The following WASHC5 variants were observed in gnomAD, a reference collection of about 807,000 sequenced individuals.
The protein encoded by WASHC5 is WASH complex subunit 5.
WASHC5 carries 101 observed loss-of-function variants against 150.4 expected under a neutral mutation model. The ratio of observed to expected loss-of-function variants is 0.67; its 90% CI spans 0.57 to 0.79. The LOEUF is 0.79. Ranked by LOEUF, WASHC5 falls within the 30% of genes least tolerant of loss-of-function variation. The probability of loss-of-function intolerance (pLI) is 0.00; values close to 1 mark genes in which losing one functional copy is unlikely to be tolerated. For missense variants in WASHC5, 1,195 were observed against 1,396.3 expected (o/e 0.86, Z 2.30); for synonymous variants, 467 against 491.2 (o/e 0.95, Z 0.65).
At chr8:125,063,106 G>C (rs1816649781) in intron 11 of WASHC5, among the ~76,000 whole-genome samples, 1 of 151,862 alleles carries the variant, frequency 6.6e-6, no homozygotes, top group Admixed American at 6.6e-5. Context: ...TGACATTCTT[G>C]GGTGACGTAT....
intron 5 of WASHC5, 42 bp downstream of exon 5, chr8:125,081,619 C>G: frequency 9.0e-7 from 1 of 1,106,588 alleles, no homozygotes; most frequent in South Asian, 1.2e-5. Context: ...TGCATTTTAC[C>G]GACAGCAGCG....
At chr8:125,031,158 C>T (rs991302206) in intron 27 of WASHC5, among the ~76,000 whole-genome samples, 28 of 152,288 alleles carry the variant, frequency 1.8e-4, no homozygotes, top group African/African-American at 6.5e-4. Flanking sequence ...GACTACCTGT[C>T]AAGGATGTCC....
chr8:125,080,936 C>T (rs1248804747), intron 5 of WASHC5, among the ~76,000 whole-genome samples: 1 of 152,176 alleles, frequency 6.6e-6, no homozygotes, highest in East Asian at 1.9e-4. Context: ...ACAGAAAGCA[C>T]ACTTATTTCC....
At chr8:125,065,774 A>G (rs148661530) in intron 10 of WASHC5, among the ~76,000 whole-genome samples, 3,995 of 151,854 alleles carry the variant, frequency 0.026, 180 homozygotes, top group African/African-American at 0.092. Flanking sequence ...GCGCCACTGC[A>G]CCCAGCTAAT....
chr8:125,046,890 TACTTTGGGAGAATCTAGC>T (rs1488270934), intron 20 of WASHC5, among the ~76,000 whole-genome samples: 1 of 152,100 alleles, frequency 6.6e-6, no homozygotes, highest in Non-Finnish European at 1.5e-5. Flanking sequence ...GAGAATCTAG[TACTTTGGGAGAATCTAGC>T]ACGCTCCTAT....
chr8:125,056,355 T>C (rs562572805), intron 16 of WASHC5, among the ~76,000 whole-genome samples: 8 of 152,196 alleles, frequency 5.3e-5, no homozygotes, highest in Middle Eastern at 3.4e-3. Context: ...AAAAGGAACA[T>C]GAATATGAAA....
chr8:125,056,003 G>T (rs1816393051), intron 16 of WASHC5, among the ~76,000 whole-genome samples: 1 of 152,182 alleles, frequency 6.6e-6, no homozygotes, highest in East Asian at 1.9e-4. Flanking sequence ...CCCTTCCCTG[G>T]CCTCCCCATT....
intron 10 of WASHC5, among the ~76,000 whole-genome samples, chr8:125,065,121 G>C (rs1332289977): frequency 6.6e-6 from 1 of 152,106 alleles, no homozygotes; most frequent in Non-Finnish European, 1.5e-5. Context: ...TTTGGGATAG[G>C]GGATGGTCCC....
chr8:125,047,389 C>G lies in WASHC5; in HGVS notation c.2380-58G>C, dbSNP rs879409281. 23 of 1,518,756 alleles carry G rather than the reference C, an allele frequency of 1.5e-5. No homozygotes were observed. In the Admixed American group the frequency reaches 3.2e-4, roughly 21 times the overall value. 94.1% of individuals were successfully genotyped at this position (1,518,756 alleles called of 1,614,324 possible). On this transcript the variant is annotated intron_variant, in intron 19 of 28. Transcript: ENST00000318410. Reference sequence around the variant, plus strand: ...CTTTGATAAGATAACCTAGTTATCCCTTTTCCATATAATTTTACAAAGATA... The same window carrying G: ...CTTTGATAAGATAACCTAGTTATCCGTTTTCCATATAATTTTACAAAGATA...
chr8:125,054,743 CG>C (rs1383940150), intron 17 of WASHC5, among the ~76,000 whole-genome samples: 3 of 151,590 alleles, frequency 2.0e-5, no homozygotes, highest in East Asian at 3.9e-4. Context: ...GGTGTGAACC[CG>C]GGAGGTGGAG....
Position 125,063,523 on chromosome 8 carries a change from A to C in WASHC5, c.1407T>G (p.Asn469Lys). The C allele has an allele frequency of 6.2e-7, 1 of 1,613,648 alleles. No homozygotes were observed. Residue 469 changes from asparagine (N) to lysine (K), a missense_variant and splice_region_variant, in exon 11 of 29, where the codon AAT (asparagine) becomes AAG (lysine). Asn to Lys is a moderately conservative substitution (Grantham distance 94). Coordinates refer to ENST00000318410, the MANE Select transcript of WASHC5 (RefSeq NM_014846.4). ...CAGTATTTCCTCTTCAGTAATTACCATTTTTCTCCACTCTGGTTAGGGGTT... is the reference window on the plus strand; with the variant it reads ...CAGTATTTCCTCTTCAGTAATTACCCTTTTTCTCCACTCTGGTTAGGGGTT... ...GVKPLTRVEK[N>K]ENLQAWFREI...
chr8:125,056,927 A>G, intron 15 of WASHC5, 110 bp from the exon 16 acceptor site: 1 of 1,295,588 alleles, frequency 7.7e-7, no homozygotes, highest in Non-Finnish European at 1.1e-6. Context: ...TGAAAAATGT[A>G]AAAGAGCTGT....
chr8:125,062,460 A>G (rs1183726072), intron 11 of WASHC5, among the ~76,000 whole-genome samples: 1 of 152,206 alleles, frequency 6.6e-6, no homozygotes, highest in African/African-American at 2.4e-5. Context: ...TAGGCAGCTA[A>G]CCGGGTCAGA....
chr8:125,029,125 G>A (rs759036227), intron 27 of WASHC5, among the ~76,000 whole-genome samples: 10 of 151,120 alleles, frequency 6.6e-5, no homozygotes, highest in South Asian at 2.1e-4. Context: ...TCCGCCTCCC[G>A]GGTTCAAGTG....
At position 125,049,044 on chromosome 8, in the gene WASHC5, T is replaced by A. The variant is rs1299325440; in HGVS notation, c.2341A>T (p.Asn781Tyr). The A allele has an allele frequency of 6.2e-7, 1 of 1,613,788 alleles. No individual in the cohort carries two copies. Among genetic ancestry groups the A allele is most frequent in the East Asian group, 2.2e-5 (1 of 44,862 alleles). Residue 781 changes from asparagine (N) to tyrosine (Y), a missense_variant, in exon 19 of 29, where the codon AAC (asparagine) becomes TAC (tyrosine). By Grantham distance (143) the Asn-to-Tyr change is moderately radical (BLOSUM62 -2). Around this residue, in one of 3 missense-constraint regions of WASHC5, gnomAD observed 997 missense variants for 1,168.1 expected, o/e 0.85. Coordinates refer to ENST00000318410, the MANE Select transcript of WASHC5 (RefSeq NM_014846.4). ...QEEVSRIINY[N>Y]VEQECNNFLR... ...AAGTTATTACACTCTTGCTCCACGT[T>A]GTAATTTATGATACGAGATACTTCT...
At chr8:125,041,304 A>G (rs567121742) in intron 23 of WASHC5, among the ~76,000 whole-genome samples, 37 of 152,326 alleles carry the variant, frequency 2.4e-4, no homozygotes, top group African/African-American at 8.2e-4. Context: ...GCAAGCAGCA[A>G]TAAGGTGGAA....
In WASHC5 at chr8:125,056,696, TGAGCATA is replaced by T; in HGVS notation, c.1990_1996del (p.Tyr664SerfsTer2). 1 of 1,614,088 alleles carries T rather than the reference TGAGCATA, an allele frequency of 6.2e-7. No individual in the cohort carries two copies. ...CAGCACCTCGTATCGTGGGCCTAGC[TGAGCATA>T]GTCCCTCAGCTTGTCTTTGTCCAGG... On this transcript the variant is annotated frameshift_variant, in exon 16 of 29. Coordinates refer to ENST00000318410, the MANE Select transcript of WASHC5 (RefSeq NM_014846.4). LOFTEE classifies it high-confidence loss of function.
intron 5 of WASHC5, among the ~76,000 whole-genome samples, chr8:125,080,857 A>T (rs1421850752): frequency 2.0e-5 from 3 of 152,222 alleles, no homozygotes; most frequent in Non-Finnish European, 4.4e-5. Flanking sequence ...CTATGTAAAC[A>T]TGGGAGAGAA....
chr8:125,045,835 G>A (rs1404843538), intron 20 of WASHC5, among the ~76,000 whole-genome samples: 1 of 152,160 alleles, frequency 6.6e-6, no homozygotes, highest in Non-Finnish European at 1.5e-5. Flanking sequence ...TATATGATGT[G>A]GAAATTCTGG....
Sources: allele counts gnomAD v4.1 joint callset (sites outside exome capture counted in the v4.1 genomes callset), GRCh38; gene constraint gnomAD v4.1.1; regional missense constraint gnomAD v4.1.1; transcripts MANE v1.5; gene names NCBI Gene and HGNC (gene_info 2026-07-23, HGNC 2026-07-21).